MGAT4C: variants seen among roughly 807,000 people sequenced by gnomAD.
MGAT4C encodes MGAT4 family member C, also known as alpha-1,3-mannosyl-glycoprotein 4-beta-N-acetylglucosaminyltransferase C.
A neutral mutation model predicts 40.1 loss-of-function variants in MGAT4C; 19 were observed. The observed-to-expected ratio is 0.47, with a 90% CI of 0.33 to 0.70. MGAT4C has a LOEUF of 0.70. MGAT4C is among the 30% of genes least tolerant of loss of function. MGAT4C has a pLI of 0.02. For missense variants in MGAT4C, 491 were observed against 563.2 expected (o/e 0.87, Z 1.30); for synonymous variants, 181 against 187.1 (o/e 0.97, Z 0.27).
rs182658699 is a variant in MGAT4C at position 86,577,533 on chromosome 12, T to C, written c.-228-142268A>G. On this transcript the variant is annotated intron_variant, in intron 2 of 7. Coordinates refer to the MGAT4C transcript ENST00000548651. Reference sequence around the variant, plus strand: ...TATCATAAAGGGACATTCTTCAGCATCAACTGAAATGGTCATATAGTTTTT... The same window carrying C: ...TATCATAAAGGGACATTCTTCAGCACCAACTGAAATGGTCATATAGTTTTT... 2.3e-3 allele frequency among the ~76,000 whole-genome samples: 351 copies of C among 151,988 alleles called. 5 individuals carry two copies. Among genetic ancestry groups the C allele is most frequent in the African/African-American group, 8.2e-3 (339 of 41,530 alleles).
intron 2 of MGAT4C, among the ~76,000 whole-genome samples, chr12:86,503,839 T>G (rs1274273817): frequency 7.5e-6 from 1 of 133,340 alleles, no homozygotes; most frequent in Non-Finnish European, 1.6e-5. Context: ...TTCTGCTAAA[T>G]TTTGCTACAA....
intron 2 of MGAT4C, among the ~76,000 whole-genome samples, chr12:86,437,244 A>G (rs978728643): frequency 1.9e-4 from 29 of 151,820 alleles, no homozygotes; most frequent in Admixed American, 4.6e-4. Context: ...AGAAGATTGT[A>G]GACATTTTTA....
chr12:86,368,504 CTTTT>C (rs1164508849), intron 3 of MGAT4C, among the ~76,000 whole-genome samples: 1 of 151,028 alleles, frequency 6.6e-6, no homozygotes, highest in Non-Finnish European at 1.5e-5. Flanking sequence ...GGTCTTTTGT[CTTTT>C]TTTAATGTAG....
intron 2 of MGAT4C, among the ~76,000 whole-genome samples, chr12:86,598,653 A>G (rs1209680877): frequency 6.6e-6 from 1 of 152,116 alleles, no homozygotes; most frequent in Non-Finnish European, 1.5e-5. Flanking sequence ...ATATAAGCTC[A>G]TCAGGGAAAT....
intron 1 of MGAT4C, among the ~76,000 whole-genome samples, chr12:86,254,146 T>C (rs1952418680): frequency 6.6e-6 from 1 of 151,994 alleles, no homozygotes; most frequent in Non-Finnish European, 1.5e-5. Flanking sequence ...CACCCTGTAC[T>C]GGGAAGCCTT....
At chr12:86,434,180 T>C (rs1957095938) in intron 3 of MGAT4C, among the ~76,000 whole-genome samples, 1 of 152,032 alleles carries the variant, frequency 6.6e-6, no homozygotes, top group Non-Finnish European at 1.5e-5. Flanking sequence ...ATCTGAATCA[T>C]ACAAGTTTAT....
chr12:86,234,901 C>A (rs1951468804), intron 1 of MGAT4C, among the ~76,000 whole-genome samples: 1 of 152,010 alleles, frequency 6.6e-6, no homozygotes, highest in Admixed American at 6.6e-5. Flanking sequence ...ACCACTGCCT[C>A]CTTCCATCTT....
intron 2 of MGAT4C, among the ~76,000 whole-genome samples, chr12:86,526,722 C>G (rs948338234): frequency 6.6e-6 from 1 of 152,164 alleles, no homozygotes; most frequent in Admixed American, 6.5e-5. Flanking sequence ...CAAGTTAAGC[C>G]TAGGGGGAGG....
intron 4 of MGAT4C, among the ~76,000 whole-genome samples, chr12:86,277,538 T>C (rs908092905): frequency 1.3e-5 from 2 of 152,206 alleles, no homozygotes; most frequent in Non-Finnish European, 2.9e-5. Context: ...GGTTTTAGAT[T>C]TAAGTCTTTA....
chr12:86,178,172 G>A (rs879540038), intron 1 of MGAT4C, among the ~76,000 whole-genome samples: 60 of 152,286 alleles, frequency 3.9e-4, no homozygotes, highest in Non-Finnish European at 5.9e-4. Flanking sequence ...TCCTGACCTT[G>A]TGATCCGCCC....
intron 1 of MGAT4C, among the ~76,000 whole-genome samples, chr12:86,051,922 C>A (rs1193088909): frequency 6.6e-6 from 1 of 151,426 alleles, no homozygotes; most frequent in Non-Finnish European, 1.5e-5. Flanking sequence ...AGTCAAGTTG[C>A]AAATAATTGT....
chr12:86,004,022 G>A (rs1484647218), intron 2 of MGAT4C, among the ~76,000 whole-genome samples: 1 of 152,056 alleles, frequency 6.6e-6, no homozygotes, highest in East Asian at 1.9e-4. Context: ...TATTTTACAT[G>A]TTTTACAGTG....
rs1884146801 is a variant in MGAT4C, at chr12:85,978,108, T to A, written c.*1181A>T. The A allele has an allele frequency of 6.6e-6, 1 of 151,552 alleles. No homozygotes were observed. The highest frequency in any genetic ancestry group is 1.5e-5 in the Non-Finnish European group (1 of 67,626). 9.4% of individuals were successfully genotyped at this position (151,552 alleles called of 1,614,324 possible). A position where few individuals can be genotyped will look rare whatever the true frequency, so the allele number is the denominator to read the frequency against. ...TTTGGGTGCTTATACCAAAAAAGCA[T>A]CATTTAGGACATTATTTAGGATAAT... On this transcript the variant is annotated 3_prime_UTR_variant, in exon 5 of 5. Coordinates refer to ENST00000611864, the MANE Select transcript of MGAT4C (RefSeq NM_001351288.2).
intron 2 of MGAT4C, among the ~76,000 whole-genome samples, chr12:86,515,952 G>A (rs896576799): frequency 1.3e-5 from 2 of 151,870 alleles, no homozygotes; most frequent in African/African-American, 4.8e-5. Flanking sequence ...CACCATGTTA[G>A]CCAGGATGTT....
intron 1 of MGAT4C, among the ~76,000 whole-genome samples, chr12:86,172,546 T>C (rs986912600): frequency 6.6e-5 from 10 of 152,100 alleles, no homozygotes; most frequent in African/African-American, 1.9e-4. Flanking sequence ...TAAATTATTT[T>C]CACAAATAAA....
chr12:86,763,123 A>C (rs1951435376), intron 1 of MGAT4C, among the ~76,000 whole-genome samples: 1 of 152,154 alleles, frequency 6.6e-6, no homozygotes, highest in Non-Finnish European at 1.5e-5. Context: ...TTCCTGTTTT[A>C]TTTTACTTGA....
chr12:86,582,841 G>A (rs539697274), intron 2 of MGAT4C, among the ~76,000 whole-genome samples: 1 of 151,312 alleles, frequency 6.6e-6, no homozygotes, highest in South Asian at 2.1e-4. Flanking sequence ...ATAAAGGAAT[G>A]AATCTAACCC....
At chr12:86,705,237 TC>T (rs1950434009) in intron 2 of MGAT4C, among the ~76,000 whole-genome samples, 1 of 149,854 alleles carries the variant, frequency 6.7e-6, no homozygotes, top group Non-Finnish European at 1.5e-5. Context: ...TATCTATCTA[TC>T]TATCTATCTA....
At chr12:86,338,035 C>T (rs540343770) in intron 3 of MGAT4C, among the ~76,000 whole-genome samples, 53 of 152,054 alleles carry the variant, frequency 3.5e-4, no homozygotes, top group Non-Finnish European at 1.3e-4. Context: ...TTGCCTGCAG[C>T]CTAGACAGAG....
Sources: allele counts gnomAD v4.1 joint callset (sites outside exome capture counted in the v4.1 genomes callset), GRCh38; gene constraint gnomAD v4.1.1; transcripts MANE v1.5; gene names NCBI Gene and HGNC (gene_info 2026-07-23, HGNC 2026-07-21).